The following ELMO2 variants were observed in gnomAD, a reference collection of about 807,000 sequenced individuals.
ELMO2 encodes the protein engulfment and cell motility 2.
A neutral mutation model predicts 96.2 loss-of-function variants in ELMO2; 37 were observed. That is an observed-to-expected ratio of 0.38 (90% CI 0.30 to 0.51). The LOEUF (loss-of-function observed/expected upper bound fraction) is 0.51, where lower values mean the gene tolerates loss of function less well. Ranked by LOEUF, ELMO2 falls within the 20% of genes least tolerant of loss-of-function variation. The pLI, the probability that ELMO2 is intolerant of heterozygous loss-of-function variation, is 0.88. For missense variants in ELMO2, 561 were observed against 912.6 expected (o/e 0.61, Z 4.96); for synonymous variants, 315 against 329.4 (o/e 0.96, Z 0.47).
chr20:46,400,088 T>C (rs2060310946), intron 1 of ELMO2, among the ~76,000 whole-genome samples: 1 of 152,186 alleles, frequency 6.6e-6, no homozygotes, highest in Non-Finnish European at 1.5e-5. Flanking sequence ...CAGTGAACTA[T>C]GATCATGTCA....
chr20:46,397,086 T>C (rs1363392494), intron 2 of ELMO2, among the ~76,000 whole-genome samples: 1 of 152,248 alleles, frequency 6.6e-6, no homozygotes, highest in Non-Finnish European at 1.5e-5. Flanking sequence ...TATTTTCTCT[T>C]GACCCCATAT....
chr20:46,384,813 A>C (rs1018340420), intron 9 of ELMO2, among the ~76,000 whole-genome samples: 12 of 151,828 alleles, frequency 7.9e-5, no homozygotes, highest in Admixed American at 3.3e-4. Flanking sequence ...AAAAAAAAAA[A>C]AAAACTAGCC....
chr20:46,383,653 A>C (rs2059994587), intron 9 of ELMO2, among the ~76,000 whole-genome samples, 159 bp from the exon 10 acceptor site: 1 of 152,232 alleles, frequency 6.6e-6, no homozygotes, highest in South Asian at 2.1e-4. Flanking sequence ...TTGACCCAGC[A>C]ATTTCACTAA....
At chr20:46,379,155 G>T (rs571444653) in intron 11 of ELMO2, among the ~76,000 whole-genome samples, 1 of 151,958 alleles carries the variant, frequency 6.6e-6, no homozygotes, top group Admixed American at 6.6e-5. Context: ...CACCACGCCC[G>T]GCTAATTTTT....
rs556696055 is a variant in ELMO2 at position 46,388,162 on chromosome 20, A to T, written c.426-725T>A. Among the ~76,000 whole-genome samples, 136 of 152,322 alleles carry T rather than the reference A, an allele frequency of 8.9e-4. 2 individuals are homozygous for T. The highest frequency in any genetic ancestry group is 3.1e-3 in the African/African-American group (128 of 41,574). On this transcript the variant is annotated intron_variant, in intron 7 of 21. Coordinates refer to ENST00000290246, the MANE Select transcript of ELMO2 (RefSeq NM_133171.5). ...CAATACTTCTCACAATAATACTGCAAGGTAGCTATTATTATCCTCAGGCTG... is the reference window on the plus strand; with the variant it reads ...CAATACTTCTCACAATAATACTGCATGGTAGCTATTATTATCCTCAGGCTG...
At chr20:46,398,299 CTTTATT>C (rs2060280708) in intron 2 of ELMO2, among the ~76,000 whole-genome samples, 1 of 152,010 alleles carries the variant, frequency 6.6e-6, no homozygotes, top group Non-Finnish European at 1.5e-5. Context: ...CAGGTAGCCT[CTTTATT>C]TTTATTTTTT....
chr20:46,370,665 GT>G, intron 19 of ELMO2, 140 bp from the exon 20 acceptor site: 1 of 770,952 alleles, frequency 1.3e-6, no homozygotes, highest in Non-Finnish European at 2.2e-6. Flanking sequence ...TATGAGCTCA[GT>G]GAGGGTGGTG....
intron 11 of ELMO2, among the ~76,000 whole-genome samples, chr20:46,378,590 TGTGAC>T (rs1222349796): frequency 3.3e-5 from 5 of 152,126 alleles, no homozygotes; most frequent in Non-Finnish European, 7.4e-5. Flanking sequence ...GGTAGCTGGG[TGTGAC>T]CAGGGAAGCA....
chr20:46,374,697 C>T (rs1351819559), intron 13 of ELMO2, 57 bp from the exon 14 acceptor site: 8 of 1,493,442 alleles, frequency 5.4e-6, no homozygotes, highest in Non-Finnish European at 7.4e-6. Context: ...ATGCAGGGAC[C>T]TGAGGGGATG....
intron 16 of ELMO2, among the ~76,000 whole-genome samples, chr20:46,372,636 A>G (rs936100812): frequency 1.3e-5 from 2 of 152,062 alleles, no homozygotes; most frequent in African/African-American, 4.8e-5. Flanking sequence ...TGTCTCAAAA[A>G]AACAAACAAA....
At chr20:46,385,730 G>T (rs1392429959) in intron 9 of ELMO2, among the ~76,000 whole-genome samples, 3 of 152,288 alleles carry the variant, frequency 2.0e-5, no homozygotes, top group Admixed American at 1.3e-4. Flanking sequence ...AACAATGATT[G>T]GTCTCTGTTT....
At chr20:46,406,376 G>A (rs1307610058) in intron 1 of ELMO2, among the ~76,000 whole-genome samples, 172 bp downstream of exon 1, 1 of 151,994 alleles carries the variant, frequency 6.6e-6, no homozygotes, top group Admixed American at 6.5e-5. Flanking sequence ...GCCACCCCTC[G>A]GGGGCCTGAC....
chr20:46,381,523 G>A (rs1254455757), intron 10 of ELMO2, among the ~76,000 whole-genome samples: 1 of 152,164 alleles, frequency 6.6e-6, no homozygotes, highest in Non-Finnish European at 1.5e-5. Flanking sequence ...TGCATTCTCT[G>A]AATACATACT....
In ELMO2 at chr20:46,393,592, C is replaced by T. The variant is rs1347515624; in HGVS notation, c.129G>A (p.Leu43=). 6.8e-6 allele frequency: 11 copies of T among 1,613,666 alleles called. No homozygotes were observed. The highest frequency in any genetic ancestry group is 9.3e-6 in the Non-Finnish European group (11 of 1,180,012). ...IIKEVCDGWS[L]PNPEYYTLRY... The stretch of plus-strand genomic sequence containing the variant: ...GGAGGGTATAATACTCTGGGTTTGG[C>T]AACGACCACCTATGCAAGAGAAAAA... The change falls in exon 5 of 22, where the codon TTG becomes TTA. Residue 43 remains leucine (L), a synonymous_variant. Transcript: ENST00000290246.
At chr20:46,381,438 G>T (rs1600846817) in intron 10 of ELMO2, among the ~76,000 whole-genome samples, 1 of 152,158 alleles carries the variant, frequency 6.6e-6, no homozygotes, top group Non-Finnish European at 1.5e-5. Context: ...GAGCTGAAAG[G>T]CCCCTCTGTC....
intron 4 of ELMO2, 84 bp downstream of exon 4, chr20:46,393,965 C>T (rs2060202053): frequency 6.3e-7 from 1 of 1,591,082 alleles, no homozygotes; most frequent in African/African-American, 1.3e-5. Context: ...AACTGGAGAT[C>T]CTTCCCAGAA....
chr20:46,383,718 G>A (rs766429874), intron 9 of ELMO2, among the ~76,000 whole-genome samples: 4 of 152,144 alleles, frequency 2.6e-5, no homozygotes, highest in Non-Finnish European at 4.4e-5. Flanking sequence ...TACTGACAAG[G>A]CGTTTCATTA....
chr20:46,401,533 T>A (rs1018435721), intron 1 of ELMO2, among the ~76,000 whole-genome samples: 1 of 152,172 alleles, frequency 6.6e-6, no homozygotes, highest in Non-Finnish European at 1.5e-5. Context: ...GGTCTTCTCT[T>A]ATCCTGCACA....
chr20:46,393,453 G>A, intron 5 of ELMO2, 76 bp downstream of exon 5: 1 of 1,493,118 alleles, frequency 6.7e-7, no homozygotes, highest in African/African-American at 1.4e-5. Context: ...GCTGAGTGAA[G>A]ATAAATAGTG....
Sources: gnomAD v4.1 joint callset for allele counts (sites outside exome capture counted in the v4.1 genomes callset) on GRCh38, gnomAD v4.1.1 for gene constraint, MANE v1.5 for transcripts, NCBI Gene and HGNC (gene_info 2026-07-23, HGNC 2026-07-21) for gene names.